DNAJC1: variants seen among roughly 807,000 people sequenced by gnomAD.
DNAJC1 encodes DnaJ heat shock protein family (Hsp40) member C1, also known as dnaJ homolog subfamily C member 1.
In DNAJC1, 58 loss-of-function variants were observed where a neutral mutation model predicts 76.6. The ratio of observed to expected loss-of-function variants is 0.76; its 90% CI spans 0.61 to 0.94. The LOEUF (loss-of-function observed/expected upper bound fraction) is 0.94, where lower values mean the gene tolerates loss of function less well. Among genes scored for constraint, DNAJC1 ranks in the 40% least tolerant of loss-of-function variants. The pLI is 0.00. For missense variants in DNAJC1, 689 were observed against 677.3 expected (o/e 1.02, Z -0.19); for synonymous variants, 258 against 267.9 (o/e 0.96, Z 0.36).
chr10:21,976,733 C>A (rs747053019), intron 1 of DNAJC1, among the ~76,000 whole-genome samples: 1 of 152,042 alleles, frequency 6.6e-6, no homozygotes, highest in Non-Finnish European at 1.5e-5. Flanking sequence ...TCAGCTCTTC[C>A]CACTAAGCAA....
intron 7 of DNAJC1, among the ~76,000 whole-genome samples, chr10:21,890,321 G>A (rs1836440996): frequency 2.0e-5 from 3 of 151,354 alleles, no homozygotes; most frequent in South Asian, 4.2e-4. Flanking sequence ...GCTGAGGCAG[G>A]AGAATCGCTT....
chr10:21,934,480 C>T (rs1192757238), intron 1 of DNAJC1, among the ~76,000 whole-genome samples: 2 of 152,118 alleles, frequency 1.3e-5, no homozygotes, highest in Non-Finnish European at 2.9e-5. Flanking sequence ...CCTTCACATT[C>T]ACTTACCACT....
At chr10:21,853,039 C>T (rs1358768275) in intron 8 of DNAJC1, among the ~76,000 whole-genome samples, 1 of 152,140 alleles carries the variant, frequency 6.6e-6, no homozygotes, top group Non-Finnish European at 1.5e-5. Flanking sequence ...CTACTTTCAC[C>T]TTTACAAAAC....
chr10:21,793,367 G>A (rs1267316417), intron 9 of DNAJC1, among the ~76,000 whole-genome samples: 1 of 152,110 alleles, frequency 6.6e-6, no homozygotes, highest in Non-Finnish European at 1.5e-5. Context: ...AATACTTAAT[G>A]GTGAAAGACT....
intron 1 of DNAJC1, among the ~76,000 whole-genome samples, chr10:21,976,428 C>T (rs1333293469): frequency 6.6e-6 from 1 of 152,198 alleles, no homozygotes; most frequent in Non-Finnish European, 1.5e-5. Flanking sequence ...AACTGTTACA[C>T]TGTCTTTTCC....
chr10:21,980,805 A>G (rs1286664583), intron 1 of DNAJC1, among the ~76,000 whole-genome samples: 2 of 152,134 alleles, frequency 1.3e-5, no homozygotes, highest in Non-Finnish European at 2.9e-5. Context: ...GTTTTAAAAT[A>G]TATTTCTTAA....
intron 8 of DNAJC1, among the ~76,000 whole-genome samples, chr10:21,857,874 CA>C (rs576361665): frequency 1.8e-4 from 25 of 141,040 alleles, no homozygotes; most frequent in Admixed American, 2.1e-4. Context: ...AACAAACAAA[CA>C]AAAAAAAAAA....
At chr10:21,834,378 C>T (rs1040209052) in intron 8 of DNAJC1, among the ~76,000 whole-genome samples, 12 of 152,242 alleles carry the variant, frequency 7.9e-5, no homozygotes, top group Non-Finnish European at 1.2e-4. Flanking sequence ...CTCTGGTCTA[C>T]AGCTACCAGC....
At chr10:21,806,200 A>G in intron 8 of DNAJC1, 101 bp from the exon 9 acceptor site, 1 of 1,294,584 alleles carries the variant, frequency 7.7e-7, no homozygotes, top group Non-Finnish European at 1.1e-6. Context: ...GCTGTGAAGC[A>G]AATTATTGGC....
At chr10:21,896,735 A>T (rs1200511134) in intron 7 of DNAJC1, among the ~76,000 whole-genome samples, 1 of 151,542 alleles carries the variant, frequency 6.6e-6, no homozygotes, top group Non-Finnish European at 1.5e-5. Context: ...AAATTTTGGA[A>T]GGGGGGGGTT....
intron 8 of DNAJC1, among the ~76,000 whole-genome samples, chr10:21,870,511 T>C (rs1232621349): frequency 6.6e-6 from 1 of 152,136 alleles, no homozygotes; most frequent in Admixed American, 6.5e-5. Context: ...CAGTGGCTCA[T>C]GCCTGTAATC....
chr10:21,845,852 G>A (rs1172299410), intron 8 of DNAJC1, among the ~76,000 whole-genome samples: 1 of 151,956 alleles, frequency 6.6e-6, no homozygotes, highest in East Asian at 1.9e-4. Context: ...TATATTCTTG[G>A]TAATATGCCC....
chr10:21,963,754 T>A (rs1171087530), intron 1 of DNAJC1, among the ~76,000 whole-genome samples: 1 of 152,214 alleles, frequency 6.6e-6, no homozygotes, highest in East Asian at 1.9e-4. Context: ...TCAATTTTTG[T>A]CTTTAGATAA....
chr10:21,902,452 A>C (rs792454), intron 7 of DNAJC1, among the ~76,000 whole-genome samples: 118,746 of 151,962 alleles, frequency 0.78, 47,217 homozygotes, highest in East Asian at 0.99. Context: ...TTATAGGCGC[A>C]CACCACCATG....
intron 1 of DNAJC1, among the ~76,000 whole-genome samples, chr10:21,935,882 T>C (rs1335188756): frequency 6.6e-6 from 1 of 151,718 alleles, no homozygotes; most frequent in Admixed American, 6.6e-5. Context: ...AAAAACAAAA[T>C]AAATTATGAT....
At chr10:21,934,843 T>C (rs1286676507) in intron 1 of DNAJC1, among the ~76,000 whole-genome samples, 3 of 152,200 alleles carry the variant, frequency 2.0e-5, no homozygotes, top group Non-Finnish European at 4.4e-5. Context: ...TATATACTTC[T>C]GGCTCCAACT....
chr10:21,990,069 AACT>A (rs1472123376), intron 1 of DNAJC1, among the ~76,000 whole-genome samples: 2 of 152,246 alleles, frequency 1.3e-5, no homozygotes, highest in Non-Finnish European at 2.9e-5. Flanking sequence ...CAAACTGCAC[AACT>A]ATACACGGGG....
chr10:21,914,246 ACTGTTTGG>A (rs1248227093), intron 6 of DNAJC1, among the ~76,000 whole-genome samples: 1 of 152,170 alleles, frequency 6.6e-6, no homozygotes, highest in African/African-American at 2.4e-5. Flanking sequence ...ATAGCTTTTC[ACTGTTTGG>A]CTTTGTTCTT....
chr10:21,990,619 C>G (rs1185895924), intron 1 of DNAJC1, among the ~76,000 whole-genome samples: 1 of 152,148 alleles, frequency 6.6e-6, no homozygotes, highest in Non-Finnish European at 1.5e-5. Flanking sequence ...TAGACACCAT[C>G]AAACAGGCTA....
Sources: allele counts gnomAD v4.1 joint callset (sites outside exome capture counted in the v4.1 genomes callset), GRCh38; gene constraint gnomAD v4.1.1; transcripts MANE v1.5; gene names NCBI Gene and HGNC (gene_info 2026-07-23, HGNC 2026-07-21).